The following CHRM3 variants were observed in gnomAD, a reference collection of about 807,000 sequenced individuals.
CHRM3 encodes the protein muscarinic acetylcholine receptor M3.
In CHRM3, 11 loss-of-function variants were observed where a neutral mutation model predicts 41.8. The observed-to-expected ratio is 0.26, with a 90% CI of 0.17 to 0.44. The LOEUF (loss-of-function observed/expected upper bound fraction) is 0.44. Ranked by LOEUF, CHRM3 falls within the 20% of genes least tolerant of loss-of-function variation. CHRM3 has a pLI of 1.00. For missense variants in CHRM3, 571 were observed against 745.4 expected, an observed-to-expected ratio of 0.77 and a Z score of 2.72; for synonymous variants, 297 against 301.4, an observed-to-expected ratio of 0.99 and a Z score of 0.15.
intron 5 of CHRM3, among the ~76,000 whole-genome samples, chr1:239,792,868 A>G (rs934755746): frequency 2.0e-5 from 3 of 152,208 alleles, no homozygotes; most frequent in Admixed American, 2.0e-4. Context: ...TGTGATTTGC[A>G]TTTTATGGCA....
chr1:239,848,256 T>C (rs974913549), intron 6 of CHRM3, among the ~76,000 whole-genome samples: 1 of 152,164 alleles, frequency 6.6e-6, no homozygotes, highest in African/African-American at 2.4e-5. Flanking sequence ...AGGGAGGAGT[T>C]GTGAGAAAAT....
intron 5 of CHRM3, among the ~76,000 whole-genome samples, chr1:239,709,901 A>T (rs1661591603): frequency 1.3e-5 from 2 of 152,226 alleles, no homozygotes; most frequent in Non-Finnish European, 2.9e-5. Flanking sequence ...AATAATATCC[A>T]CATTATTTAA....
intron 6 of CHRM3, among the ~76,000 whole-genome samples, chr1:239,838,863 C>T (rs1673547851): frequency 6.6e-6 from 1 of 152,138 alleles, no homozygotes; most frequent in Non-Finnish European, 1.5e-5. Flanking sequence ...GAAATTGATA[C>T]TTCTGAAAAA....
chr1:239,740,610 C>T (rs1664760055), intron 5 of CHRM3, among the ~76,000 whole-genome samples: 1 of 152,062 alleles, frequency 6.6e-6, no homozygotes, highest in Admixed American at 6.6e-5. Context: ...CTAATGCTCT[C>T]CCTCCCCTTG....
rs148904078 is a variant in CHRM3 at position 239,654,011 on chromosome 1, G to A, written c.-250+21725G>A. 3.3e-3 allele frequency among the ~76,000 whole-genome samples: 507 copies of A among 152,098 alleles called. 2 individuals are homozygous for A. Among genetic ancestry groups the A allele is most frequent in the African/African-American group, 0.012 (491 of 41,484 alleles). Reference sequence around the variant, plus strand: ...AAGTCTTGCTCTGTTGCCTAGGCTGGAGTGCAGTGGCACGATCACAGCTCT... The same window carrying A: ...AAGTCTTGCTCTGTTGCCTAGGCTGAAGTGCAGTGGCACGATCACAGCTCT... On this transcript the variant is annotated intron_variant, in intron 4 of 6. Transcript: ENST00000676153.
chr1:239,442,827 T>A (rs899757528), intron 1 of CHRM3, among the ~76,000 whole-genome samples: 5 of 152,178 alleles, frequency 3.3e-5, no homozygotes, highest in Non-Finnish European at 7.3e-5. Context: ...AGTAGCGTCT[T>A]TTCTGGTGAA....
chr1:239,801,174 G>C (rs532712167), intron 5 of CHRM3, among the ~76,000 whole-genome samples: 2 of 152,304 alleles, frequency 1.3e-5, no homozygotes, highest in East Asian at 3.9e-4. Flanking sequence ...GACTATTCAT[G>C]AGAGTTTTCT....
intron 3 of CHRM3, among the ~76,000 whole-genome samples, chr1:239,580,706 C>CTATAT (rs1662815821): frequency 1.0e-5 from 1 of 97,470 alleles, no homozygotes; most frequent in East Asian, 3.0e-4. Context: ...TATATATATA[C>CTATAT]ACACACACAC....
At chr1:239,771,941 T>C (rs1244772145) in intron 5 of CHRM3, among the ~76,000 whole-genome samples, 1 of 152,216 alleles carries the variant, frequency 6.6e-6, no homozygotes, top group African/African-American at 2.4e-5. Context: ...TCTATTTCTT[T>C]GTGGTTCTAT....
chr1:239,760,207 G>C (rs1246027711), intron 5 of CHRM3, among the ~76,000 whole-genome samples: 1 of 151,826 alleles, frequency 6.6e-6, no homozygotes, highest in East Asian at 1.9e-4. Flanking sequence ...TTACAGGCGT[G>C]AGCCACCGTG....
At chr1:239,558,507 A>C (rs1249202375) in intron 3 of CHRM3, among the ~76,000 whole-genome samples, 1 of 152,214 alleles carries the variant, frequency 6.6e-6, no homozygotes, top group Non-Finnish European at 1.5e-5. Context: ...CCTAACATAC[A>C]CCTTGTGTTT....
chr1:239,713,981 C>A (rs1480696674), intron 5 of CHRM3, among the ~76,000 whole-genome samples: 1 of 152,132 alleles, frequency 6.6e-6, no homozygotes, highest in Non-Finnish European at 1.5e-5. Flanking sequence ...TCTTTCATAT[C>A]ATTTGGGTAA....
At chr1:239,839,732 T>G (rs1673622883) in intron 6 of CHRM3, among the ~76,000 whole-genome samples, 1 of 148,264 alleles carries the variant, frequency 6.7e-6, no homozygotes, top group Admixed American at 6.8e-5. Context: ...AAGGGGAGAG[T>G]GACATACAAA....
At chr1:239,798,743 G>A (rs1204459969) in intron 5 of CHRM3, among the ~76,000 whole-genome samples, 1 of 152,148 alleles carries the variant, frequency 6.6e-6, no homozygotes, top group Non-Finnish European at 1.5e-5. Flanking sequence ...TAGGCTTGCA[G>A]GCCATCAAAG....
intron 1 of CHRM3, among the ~76,000 whole-genome samples, chr1:239,432,858 T>C (rs1662935187): frequency 6.6e-6 from 1 of 152,218 alleles, no homozygotes; most frequent in Non-Finnish European, 1.5e-5. Context: ...CACGGGTTCT[T>C]TTATTTTTGA....
At chr1:239,764,376 A>G (rs1231560541) in intron 5 of CHRM3, among the ~76,000 whole-genome samples, 2 of 152,186 alleles carry the variant, frequency 1.3e-5, no homozygotes, top group Non-Finnish European at 2.9e-5. Flanking sequence ...GAACAGAAGG[A>G]AAAGAGGAAA....
intron 5 of CHRM3, among the ~76,000 whole-genome samples, chr1:239,743,695 G>A (rs963079948): frequency 2.0e-5 from 3 of 150,246 alleles, no homozygotes; most frequent in African/African-American, 7.4e-5. Context: ...CAACCACTAG[G>A]TTTCACTCCT....
chr1:239,824,694 A>G (rs1572409632), intron 5 of CHRM3, among the ~76,000 whole-genome samples: 1 of 152,230 alleles, frequency 6.6e-6, no homozygotes, highest in East Asian at 1.9e-4. Context: ...GAACACATCC[A>G]GGGTAGAGTG....
intron 2 of CHRM3, among the ~76,000 whole-genome samples, chr1:239,523,740 A>C (rs190767722): frequency 3.7e-4 from 57 of 152,348 alleles, no homozygotes; most frequent in African/African-American, 1.4e-3. Context: ...CATACGTGTC[A>C]GGAGGGCCGA....
Sources: gnomAD v4.1 joint callset for allele counts (sites outside exome capture counted in the v4.1 genomes callset) on GRCh38, gnomAD v4.1.1 for gene constraint, MANE v1.5 for transcripts, NCBI Gene and HGNC (gene_info 2026-07-23, HGNC 2026-07-21) for gene names.